COL6A2: variants seen among roughly 807,000 people sequenced by gnomAD.
COL6A2 encodes collagen type VI alpha 2 chain.
COL6A2 carries 90 observed loss-of-function variants against 124.9 expected under a neutral mutation model. That is an observed-to-expected ratio of 0.72 (90% CI 0.61 to 0.86). The LOEUF (loss-of-function observed/expected upper bound fraction) is 0.86. Ranked by LOEUF, COL6A2 falls within the 40% of genes least tolerant of loss-of-function variation. COL6A2 has a pLI of 0.00. For synonymous variants in COL6A2, 793 were observed against 618.2 expected, an observed-to-expected ratio of 1.28 and a Z score of -4.19; for missense variants, 1,607 against 1,502.5, an observed-to-expected ratio of 1.07 and a Z score of -1.15.
intron 11 of COL6A2, 70 bp from the exon 12 acceptor site, chr21:46,117,803 AC>A: frequency 1.3e-6 from 2 of 1,491,346 alleles, no homozygotes; most frequent in Non-Finnish European, 1.8e-6. Flanking sequence ...ACAATGGAGC[AC>A]TTGGGCCCTG....
intron 5 of COL6A2, among the ~76,000 whole-genome samples, chr21:46,115,261 A>G (rs571055598): frequency 4.6e-5 from 7 of 152,232 alleles, no homozygotes; most frequent in Non-Finnish European, 8.8e-5. Context: ...GTGATGTTCC[A>G]GAAGCCTCTG....
rs751071208 is a variant in COL6A2 at position 46,119,126 on chromosome 21, C to T, written c.1269+7C>T. On this transcript the variant is annotated splice_region_variant and intron_variant, in intron 14 of 27. Transcript: ENST00000300527. ...CGGACCCAAAGGCGAGCCGGTGAGT[C>T]CCTCCTGCCCCTGCCTCAGGGCCCC... 1.1e-5 allele frequency: 18 copies of T among 1,606,576 alleles called. No individual in the cohort carries two copies. Among genetic ancestry groups the T allele is most frequent in the Non-Finnish European group, 1.4e-5 (17 of 1,176,232 alleles).
rs2123454544 is a variant in COL6A2, at chr21:46,132,011, G to A, written c.2519G>A (p.Gly840Asp). ...RPVDIVFLLD[G>D]SERLGEQNFH... The stretch of plus-strand genomic sequence containing the variant: ...GTGGACATCGTCTTCCTGCTGGACG[G>A]CTCCGAGCGGCTGGGTGAGCAGAAC... Residue 840 changes from glycine (G) to aspartate (D), a missense_variant, in exon 28 of 28, where the codon GGC becomes GAC. Transcript: ENST00000300527. 1.2e-6 allele frequency: 2 copies of A among 1,609,890 alleles called. No individual in the cohort carries two copies. Among genetic ancestry groups the A allele is most frequent in the Non-Finnish European group, 1.7e-6 (2 of 1,179,416 alleles).
At chr21:46,124,583 G>A in intron 21 of COL6A2, 68 bp from the exon 22 acceptor site, 2 of 1,498,354 alleles carry the variant, frequency 1.3e-6, no homozygotes, top group South Asian at 2.3e-5. Flanking sequence ...GACAGCACAG[G>A]GGGCCCTGCT....
intron 12 of COL6A2, 64 bp downstream of exon 12, chr21:46,118,000 C>T: frequency 6.7e-7 from 1 of 1,503,358 alleles, no homozygotes; most frequent in South Asian, 1.2e-5. Flanking sequence ...CTCCTGGAGG[C>T]AGCCCCAGCT....
At chr21:46,127,086 C>T (rs1266320327) in intron 27 of COL6A2, among the ~76,000 whole-genome samples, 8 of 152,150 alleles carry the variant, frequency 5.3e-5, no homozygotes, top group African/African-American at 1.9e-4. Flanking sequence ...CTGGGGGTGC[C>T]GTCCAGGCTC....
intron 27 of COL6A2, among the ~76,000 whole-genome samples, chr21:46,130,487 C>T (rs903437484): frequency 6.6e-6 from 1 of 152,204 alleles, no homozygotes; most frequent in African/African-American, 2.4e-5. Context: ...TCCCCACACC[C>T]ACTGCACAGG....
chr21:46,099,785 G>T (rs1343915255), intron 1 of COL6A2, among the ~76,000 whole-genome samples: 11 of 151,672 alleles, frequency 7.3e-5, no homozygotes, highest in African/African-American at 2.7e-4. Context: ...CTCACAGGGC[G>T]CCTGCTCTTA....
At position 46,131,872 on chromosome 21, in the gene COL6A2, G is replaced by A. The variant is rs552995814; in HGVS notation, c.2462-82G>A. The A allele has an allele frequency of 2.3e-5, 31 of 1,342,968 alleles. No homozygotes were observed. The African/African-American group carries it at 3.3e-4, about 14-fold the overall frequency. 83.2% of individuals were successfully genotyped at this position (1,342,968 alleles called of 1,614,324 possible). On this transcript the variant is annotated intron_variant, in intron 27 of 27. Coordinates refer to ENST00000300527, the MANE Select transcript of COL6A2 (RefSeq NM_001849.4). ...TGAGGTTGCAGGCAGGGTGCGAATG[G>A]AAGGGCACAGGTGCGGGGCTGGCAC...
intron 1 of COL6A2, 60 bp from the exon 2 acceptor site, chr21:46,111,390 G>C: frequency 1.0e-6 from 1 of 965,040 alleles, no homozygotes; most frequent in Non-Finnish European, 1.6e-6. Flanking sequence ...GCCTGCCATG[G>C]GGGAGGGTGC....
intron 27 of COL6A2, among the ~76,000 whole-genome samples, chr21:46,127,724 G>C (rs1356139699): frequency 1.0e-5 from 1 of 96,926 alleles, no homozygotes; most frequent in East Asian, 2.5e-4. Flanking sequence ...TTTGCTATCA[G>C]GTGGGGGGCC....
At chr21:46,120,804 A>G (rs757890088) in intron 16 of COL6A2, among the ~76,000 whole-genome samples, 5 of 151,692 alleles carry the variant, frequency 3.3e-5, no homozygotes, top group African/African-American at 4.8e-5. Flanking sequence ...TGCACCCCAA[A>G]GTAGGGGACC....
chr21:46,124,847 T>C (rs776291298), intron 22 of COL6A2, 38 bp from the exon 23 acceptor site: 10 of 1,612,454 alleles, frequency 6.2e-6, no homozygotes, highest in Non-Finnish European at 7.6e-6. Flanking sequence ...CCACCCAGCC[T>C]TGGCCCCAGA....
rs760131219 is a variant in COL6A2 at position 46,125,789 on chromosome 21, G to A, written c.1974G>A (p.Thr658=). ...IAKDPKSETG[T]RVGVVQYSHE... ...CCTCACGCGTGCGGCTTGCAGGGAC[G>A]CGTGTGGGCGTGGTGCAGTACAGCC... Residue 658 remains threonine (T), a synonymous_variant, in exon 26 of 28, where the codon ACG becomes ACA. Transcript: ENST00000300527. 9 of 1,611,254 alleles carry A rather than the reference G, an allele frequency of 5.6e-6. No homozygotes were observed. Among genetic ancestry groups the A allele is most frequent in the Middle Eastern group, 1.6e-4 (1 of 6,078 alleles).
chr21:46,128,103 G>C (rs1345351671), intron 27 of COL6A2, among the ~76,000 whole-genome samples: 1 of 152,190 alleles, frequency 6.6e-6, no homozygotes, highest in Non-Finnish European at 1.5e-5. Flanking sequence ...GTCCTGTGGT[G>C]GCTCCTCCCC....
intron 12 of COL6A2, among the ~76,000 whole-genome samples, chr21:46,118,166 C>G (rs1223579865): frequency 1.3e-5 from 2 of 152,122 alleles, no homozygotes; most frequent in African/African-American, 4.8e-5. Flanking sequence ...CGGCAACAAA[C>G]CCACCTCCTC....
At chr21:46,113,719 G>C in intron 4 of COL6A2, 3 of 506,924 alleles carry the variant, frequency 5.9e-6, no homozygotes, top group Middle Eastern at 1.1e-3. Flanking sequence ...AGCTGCACCC[G>C]GCCTTTCTTC....
intron 21 of COL6A2, among the ~76,000 whole-genome samples, 185 bp from the exon 22 acceptor site, chr21:46,124,466 G>A (rs940717725): frequency 1.3e-5 from 2 of 152,084 alleles, no homozygotes; most frequent in Non-Finnish European, 2.9e-5. Flanking sequence ...GGCCACTCAT[G>A]GCCTTTCTAG....
rs543870145 is a variant in COL6A2, at chr21:46,118,696, C to T, written c.1179+20C>T. 3.7e-5 allele frequency: 59 copies of T among 1,602,936 alleles called. 1 individual carries two copies. The highest frequency in any genetic ancestry group is 1.9e-4 in the Admixed American group (11 of 58,638). ...AGCAAGGTGAGCCCCTCTGCCTCTT[C>T]GCCTGCAGCTGAGCTGGCCACACTC... On this transcript the variant is annotated intron_variant, in intron 13 of 27. Coordinates refer to ENST00000300527, the MANE Select transcript of COL6A2 (RefSeq NM_001849.4).
Sources: gnomAD v4.1 joint callset for allele counts (sites outside exome capture counted in the v4.1 genomes callset) on GRCh38, gnomAD v4.1.1 for gene constraint, MANE v1.5 for transcripts, NCBI Gene and HGNC (gene_info 2026-07-23, HGNC 2026-07-21) for gene names.